Variants in CBLB observed in about 807,000 individuals in gnomAD.
The protein encoded by CBLB is Cbl proto-oncogene B, also known as E3 ubiquitin-protein ligase CBL-B.
In CBLB, 31 loss-of-function variants were observed where a neutral mutation model predicts 104.9. The observed-to-expected ratio is 0.30, with a 90% CI of 0.22 to 0.40. The LOEUF is 0.40. Among genes scored for constraint, CBLB ranks in the 10% least tolerant of loss-of-function variants. The pLI is 1.00. For missense variants in CBLB, 1,062 were observed against 1,214.6 expected (o/e 0.87, Z 1.87); for synonymous variants, 440 against 422.6 (o/e 1.04, Z -0.51).
intron 2 of CBLB, among the ~76,000 whole-genome samples, chr3:105,860,443 G>A (rs2091995760): frequency 6.6e-6 from 1 of 152,148 alleles, no homozygotes; most frequent in Admixed American, 6.5e-5. Flanking sequence ...ATTCCATGGA[G>A]CAGTGTGCTT....
At chr3:105,735,053 A>G (rs1038258813) in intron 8 of CBLB, among the ~76,000 whole-genome samples, 2 of 152,240 alleles carry the variant, frequency 1.3e-5, no homozygotes, top group African/African-American at 4.8e-5. Context: ...TATTTGGGTA[A>G]ATAAAGCAAC....
In CBLB at chr3:105,853,565, T is replaced by G. The variant is rs2091228857; in HGVS notation, c.268A>C (p.Ser90Arg). 3.1e-6 allele frequency: 5 copies of G among 1,612,646 alleles called. No homozygotes were observed. Among genetic ancestry groups the G allele is most frequent in the Non-Finnish European group, 4.2e-6 (5 of 1,178,844 alleles). Residue 90 changes from serine to arginine, a missense_variant, in exon 3 of 19, where the codon AGT becomes CGT. This residue lies in a region of CBLB where 457 missense variants were observed against 632.0 expected (regional missense o/e 0.72). Transcript: ENST00000394030. ...AGTTTCTGGTTGTCATCATATTTAC[T>G]CAATATAAGTCGTAAATGCTGATAT... ...DTYQHLRLIL[S>R]KYDDNQKLAQ...
intron 18 of CBLB, among the ~76,000 whole-genome samples, chr3:105,662,000 C>T (rs1228935651): frequency 2.6e-5 from 4 of 152,092 alleles, no homozygotes; most frequent in Non-Finnish European, 5.9e-5. Flanking sequence ...ACAAAGAACA[C>T]AAAATTTGTT....
rs1052255076 is a variant in CBLB at position 105,740,352 on chromosome 3, A to T, written c.983+142T>A. ...CTTAAAATGATTATATAAAAAGATG[A>T]ACAAAAAACTAAGGAACATCCATTA... On this transcript the variant is annotated intron_variant, in intron 7 of 18. Coordinates refer to ENST00000394030, the MANE Select transcript of CBLB (RefSeq NM_170662.5). 1.4e-5 allele frequency: 11 copies of T among 798,914 alleles called. No homozygotes were observed. The African/African-American group carries it at 1.6e-4, about 11-fold the overall frequency. The allele number at this position is 798,914 out of a possible 1,614,324, so 49.5% of individuals were successfully genotyped here. A position where few individuals can be genotyped will look rare whatever the true frequency, so the allele number is the denominator to read the frequency against.
intron 3 of CBLB, among the ~76,000 whole-genome samples, chr3:105,781,057 A>T (rs940969562): frequency 5.1e-4 from 77 of 152,194 alleles, no homozygotes; most frequent in African/African-American, 1.8e-3. Flanking sequence ...TTAACATTAG[A>T]GGAGGCTTGA....
intron 10 of CBLB, among the ~76,000 whole-genome samples, chr3:105,713,390 T>C (rs1383928162): frequency 1.1e-5 from 1 of 88,420 alleles, no homozygotes; most frequent in Non-Finnish European, 2.7e-5. Context: ...CCACTGATCA[T>C]TAAAAAAAAA....
At position 105,720,101 on chromosome 3, in the gene CBLB, G is replaced by A. The variant is rs755562622; in HGVS notation, c.1353C>T (p.Asp451=). 7.2e-5 allele frequency: 116 copies of A among 1,613,752 alleles called. 2 individuals are homozygous for A. In the Middle Eastern group the frequency reaches 8.2e-4, roughly 11 times the overall value. ...TCAAGGACTCCTCACGATCATCATC[G>A]TCGTCCAAGTCTAGCATCGGCATGC... The part of the protein sequence containing the change: ...PFGMPMLDLD[D]DDDREESLMM... The change falls in exon 10 of 19, where the codon GAC becomes GAT. Residue 451 remains aspartate (D), a synonymous_variant. Coordinates refer to ENST00000394030, the MANE Select transcript of CBLB (RefSeq NM_170662.5).
chr3:105,861,897 CA>C (rs2092126497), intron 2 of CBLB, among the ~76,000 whole-genome samples: 1 of 152,114 alleles, frequency 6.6e-6, no homozygotes, highest in African/African-American at 2.4e-5. Flanking sequence ...TCTAATCATA[CA>C]ATTCAATGAC....
chr3:105,806,905 A>T (rs1577366617), intron 3 of CBLB, among the ~76,000 whole-genome samples: 1 of 152,180 alleles, frequency 6.6e-6, no homozygotes, highest in African/African-American at 2.4e-5. Flanking sequence ...ACTTAAAAAA[A>T]TTTTTTAAGC....
intron 4 of CBLB, chr3:105,762,485 C>A (rs895386199): frequency 6.6e-6 from 1 of 152,302 alleles, no homozygotes; most frequent in Non-Finnish European, 1.5e-5. Flanking sequence ...TGCATCCCAG[C>A]CATGGCTATA....
chr3:105,746,432 G>A (rs1256512567), intron 5 of CBLB, among the ~76,000 whole-genome samples: 1 of 152,102 alleles, frequency 6.6e-6, no homozygotes, highest in Non-Finnish European at 1.5e-5. Context: ...GACTTTACAA[G>A]GTTTGATCCC....
At chr3:105,848,783 T>C (rs2090593440) in intron 3 of CBLB, among the ~76,000 whole-genome samples, 1 of 152,106 alleles carries the variant, frequency 6.6e-6, no homozygotes, top group Non-Finnish European at 1.5e-5. Flanking sequence ...TATAGTAATG[T>C]CCCTAGTGAG....
chr3:105,684,917 A>G (rs1261828610), intron 14 of CBLB, among the ~76,000 whole-genome samples: 1 of 152,254 alleles, frequency 6.6e-6, no homozygotes, highest in Non-Finnish European at 1.5e-5. Context: ...CAAAAAGTTA[A>G]GAGAAACACC....
At chr3:105,739,401 C>T (rs1250579221) in intron 7 of CBLB, among the ~76,000 whole-genome samples, 2 of 152,088 alleles carry the variant, frequency 1.3e-5, no homozygotes, top group Non-Finnish European at 2.9e-5. Context: ...AGTTTGATCA[C>T]GAGCATCTCT....
chr3:105,802,847 G>A (rs1000617388), intron 3 of CBLB, among the ~76,000 whole-genome samples: 1 of 152,070 alleles, frequency 6.6e-6, no homozygotes, highest in African/African-American at 2.4e-5. Context: ...TTAGCAAAGG[G>A]ATTAACATAT....
At chr3:105,699,650 A>G (rs1457119795) in intron 12 of CBLB, among the ~76,000 whole-genome samples, 1 of 152,146 alleles carries the variant, frequency 6.6e-6, no homozygotes, top group Non-Finnish European at 1.5e-5. Flanking sequence ...GAGAAGAGGA[A>G]TTAGGCCTTT....
At chr3:105,746,220 A>T (rs1174876599) in intron 5 of CBLB, among the ~76,000 whole-genome samples, 182 bp from the exon 6 acceptor site, 1 of 152,228 alleles carries the variant, frequency 6.6e-6, no homozygotes, top group Middle Eastern at 3.2e-3. Flanking sequence ...ATTGTTCTTT[A>T]CAGAAATATG....
intron 3 of CBLB, among the ~76,000 whole-genome samples, chr3:105,780,672 T>TTG (rs1553789122): frequency 7.2e-6 from 1 of 138,976 alleles, no homozygotes; most frequent in Non-Finnish European, 1.6e-5. Flanking sequence ...TTTTTTTTTT[T>TTG]TTTTTTTTGA....
intron 3 of CBLB, among the ~76,000 whole-genome samples, chr3:105,811,673 C>A (rs752690724): frequency 5.3e-5 from 8 of 151,920 alleles, no homozygotes; most frequent in Non-Finnish European, 1.2e-4. Context: ...CCCAGTATTC[C>A]ATCAAGTTCT....
Sources: allele counts gnomAD v4.1 joint callset (sites outside exome capture counted in the v4.1 genomes callset), GRCh38; gene constraint gnomAD v4.1.1; regional missense constraint gnomAD v4.1.1; transcripts MANE v1.5; gene names NCBI Gene and HGNC (gene_info 2026-07-23, HGNC 2026-07-21).